Variants in PAX3 observed in about 807,000 individuals in gnomAD.
PAX3 encodes the protein paired box 3.
In PAX3, 14 loss-of-function variants were observed where a neutral mutation model predicts 51.6. The observed-to-expected ratio is 0.27, with a 90% confidence interval of 0.18 to 0.42. The LOEUF is 0.42. Ranked by LOEUF, PAX3 falls within the 10% of genes least tolerant of loss-of-function variation. The pLI is 1.00. For synonymous variants in PAX3, 280 were observed against 253.4 expected (o/e 1.11, Z -1.00); for missense variants, 540 against 642.8 (o/e 0.84, Z 1.73).
intron 4 of PAX3, 48 bp downstream of exon 4, chr2:222,294,119 C>T: frequency 2.5e-6 from 4 of 1,612,416 alleles, no homozygotes; most frequent in Non-Finnish European, 3.4e-6. Context: ...CTAGCCGATG[C>T]CCTCCAAGTC....
intron 1 of PAX3, chr2:222,298,244 C>G (rs2106206917): frequency 2.1e-6 from 1 of 479,026 alleles, no homozygotes; most frequent in East Asian, 3.4e-5. Context: ...GAAGCCGGTT[C>G]ACCTCCTTCT....
intron 7 of PAX3, among the ~76,000 whole-genome samples, chr2:222,216,162 G>T (rs1399263555): frequency 6.6e-6 from 1 of 152,158 alleles, no homozygotes; most frequent in Non-Finnish European, 1.5e-5. Context: ...AGGACATTAT[G>T]CTTCCTCTGG....
In PAX3 at chr2:222,202,130, G is replaced by A. The variant is rs1042053; in HGVS notation, c.1234C>T (p.Leu412Phe). ...VPHQPQTDYA[L>F]SPLTGGLEPT... Reference sequence around the variant, plus strand: ...TCCAGACCCCCGGTGAGAGGGGAGAGCGCGTAATCAGTCTGGGGCTGATGA... The same window carrying A: ...TCCAGACCCCCGGTGAGAGGGGAGAACGCGTAATCAGTCTGGGGCTGATGA... The change falls in exon 8 of 9, where the codon CTC becomes TTC. Residue 412 changes from leucine to phenylalanine, a missense_variant. Physicochemically the swap from Leu to Phe is conservative, Grantham distance 22. Transcript: ENST00000392070. 1 of 1,612,952 alleles carries A rather than the reference G, an allele frequency of 6.2e-7. No individual in the cohort carries two copies.
intron 8 of PAX3, chr2:222,201,669 G>A: frequency 2.2e-6 from 3 of 1,390,666 alleles, no homozygotes; most frequent in Non-Finnish European, 2.9e-6. Context: ...TAATGTCAGG[G>A]ATTATTTCAT....
intron 4 of PAX3, among the ~76,000 whole-genome samples, chr2:222,270,765 A>G (rs1462627034): frequency 6.6e-6 from 1 of 152,222 alleles, no homozygotes; most frequent in Non-Finnish European, 1.5e-5. Flanking sequence ...TTTTGCCCAA[A>G]TCCAAACCCT....
intron 4 of PAX3, among the ~76,000 whole-genome samples, chr2:222,243,684 C>A: frequency 6.6e-6 from 1 of 152,320 alleles, no homozygotes; most frequent in East Asian, 1.9e-4. Context: ...TTTAACGACA[C>A]TTCCCATATG....
chr2:222,243,288 T>A (rs969387459), intron 4 of PAX3, among the ~76,000 whole-genome samples: 3 of 152,208 alleles, frequency 2.0e-5, no homozygotes, highest in African/African-American at 7.2e-5. Flanking sequence ...AATTGCAGAA[T>A]CCTTGAAAGG....
chr2:222,215,764 G>T (rs750386772), intron 7 of PAX3, among the ~76,000 whole-genome samples: 1 of 152,028 alleles, frequency 6.6e-6, no homozygotes, highest in Non-Finnish European at 1.5e-5. Context: ...GGATGGAGGG[G>T]AAATAAATGG....
At chr2:222,252,180 A>C (rs1339367676) in intron 4 of PAX3, among the ~76,000 whole-genome samples, 1 of 152,210 alleles carries the variant, frequency 6.6e-6, no homozygotes, top group East Asian at 1.9e-4. Context: ...TATATTTTCT[A>C]TGGCCGCATG....
At chr2:222,221,120 C>T in intron 6 of PAX3, 102 bp downstream of exon 6, 1 of 1,103,220 alleles carries the variant, frequency 9.1e-7, no homozygotes, top group Non-Finnish European at 1.4e-6. Context: ...TTACAATTAA[C>T]AACATGGTGT....
At chr2:222,236,744 A>G (rs1574668657) in intron 4 of PAX3, among the ~76,000 whole-genome samples, 1 of 152,220 alleles carries the variant, frequency 6.6e-6, no homozygotes, top group East Asian at 1.9e-4. Flanking sequence ...GACTATTACT[A>G]CTGTACAACT....
At chr2:222,292,447 A>T (rs1040026940) in intron 4 of PAX3, among the ~76,000 whole-genome samples, 8 of 152,206 alleles carry the variant, frequency 5.3e-5, no homozygotes, top group African/African-American at 1.9e-4. Context: ...TCTTTGTAAA[A>T]GCTGGAAAAG....
At chr2:222,237,326 G>GCACACACA (rs3075849) in intron 4 of PAX3, among the ~76,000 whole-genome samples, 39,318 of 146,322 alleles carry the variant, frequency 0.27, 5,775 homozygotes, top group Non-Finnish European at 0.34. Flanking sequence ...TTTATCACAT[G>GCACACACA]CACACACACA....
At position 222,220,331 on chromosome 2, in the gene PAX3, C is replaced by T. The variant is rs149799356; in HGVS notation, c.982G>A (p.Val328Ile). The T allele has an allele frequency of 1.4e-4, 233 of 1,613,984 alleles. No individual in the cohort carries two copies. The African/African-American group carries it at 2.3e-3, about 16-fold the overall frequency. ...PQAVSDPSSTVHRPQPLPPST... is the reference protein window; with the variant it reads ...PQAVSDPSSTIHRPQPLPPST... Reference sequence around the variant, plus strand: ...GGAGGAAGCGGTTGAGGTCTGTGAACGGTGCTGCTGGGATCTGACACAGCT... The same window carrying T: ...GGAGGAAGCGGTTGAGGTCTGTGAATGGTGCTGCTGGGATCTGACACAGCT... The change falls in exon 7 of 9, where the codon GTT becomes ATT. Residue 328 changes from valine (V) to isoleucine (I), a missense_variant. By Grantham distance (29) the Val-to-Ile change is conservative. Coordinates refer to ENST00000392070, the MANE Select transcript of PAX3 (RefSeq NM_181458.4).
intron 5 of PAX3, among the ~76,000 whole-genome samples, chr2:222,230,958 G>T (rs1436613303): frequency 1.3e-5 from 2 of 149,600 alleles, no homozygotes; most frequent in Non-Finnish European, 3.0e-5. Flanking sequence ...TAAATTATTT[G>T]TATGTTTATT....
intron 4 of PAX3, among the ~76,000 whole-genome samples, chr2:222,266,118 G>A (rs1447788949): frequency 6.6e-6 from 1 of 151,944 alleles, no homozygotes; most frequent in Non-Finnish European, 1.5e-5. Context: ...GTTTAGAACG[G>A]GAAAAAAAAT....
chr2:222,253,775 TGAG>T (rs1350444644), intron 4 of PAX3, among the ~76,000 whole-genome samples: 1 of 152,066 alleles, frequency 6.6e-6, no homozygotes, highest in Non-Finnish European at 1.5e-5. Context: ...CTCAGCCCCC[TGAG>T]TAGTTGAGTA....
intron 4 of PAX3, among the ~76,000 whole-genome samples, chr2:222,266,330 C>A (rs1694054268): frequency 6.6e-6 from 1 of 152,194 alleles, no homozygotes; most frequent in African/African-American, 2.4e-5. Context: ...TTAACAAGAA[C>A]AATACCTGAT....
chr2:222,217,614 C>T (rs1692015244), intron 7 of PAX3, among the ~76,000 whole-genome samples: 1 of 11,346 alleles, frequency 8.8e-5, no homozygotes, highest in Non-Finnish European at 1.4e-4. Context: ...AATCATAACG[C>T]TATTAGTTAT....
Sources: gnomAD v4.1 joint callset for allele counts (sites outside exome capture counted in the v4.1 genomes callset) on GRCh38, gnomAD v4.1.1 for gene constraint, MANE v1.5 for transcripts, NCBI Gene and HGNC (gene_info 2026-07-23, HGNC 2026-07-21) for gene names.